The following GALNTL5 variants were observed in gnomAD, a reference collection of about 807,000 sequenced individuals.
GALNTL5 encodes the protein inactive polypeptide N-acetylgalactosaminyltransferase-like protein 5.
GALNTL5 carries 44 observed loss-of-function variants against 51.0 expected under a neutral mutation model. The ratio of observed to expected loss-of-function variants is 0.86; its 90% CI spans 0.68 to 1.11. The LOEUF (loss-of-function observed/expected upper bound fraction) is 1.11, where lower values mean the gene tolerates loss of function less well. Among genes scored for constraint, GALNTL5 ranks in the 50% least tolerant of loss-of-function variants. The pLI, the probability that GALNTL5 is intolerant of heterozygous loss-of-function variation, is 0.00. For synonymous variants in GALNTL5, 192 were observed against 182.8 expected, an observed-to-expected ratio of 1.05 and a Z score of -0.41; for missense variants, 528 against 531.8, an observed-to-expected ratio of 0.99 and a Z score of 0.07.
chr7:152,007,055 C>T (rs111264777), intron 6 of GALNTL5, among the ~76,000 whole-genome samples: 1 of 152,270 alleles, frequency 6.6e-6, no homozygotes, highest in African/African-American at 2.4e-5. Flanking sequence ...GTGTGAGCCA[C>T]CACACCCAGC....
chr7:152,014,792 AG>A lies in GALNTL5; in HGVS notation c.1176+1del. ...GTGCACGTTTGGCTGGATGAATATA[AG>A]GTGGGGAACACATCCTTGACTTGGA... is the stretch of plus-strand genomic sequence containing the variant. ...RLVHVWLDEY[K>X]EQFFLRKPGL... On this transcript the variant is annotated frameshift_variant and splice_region_variant, in exon 8 of 9. Coordinates refer to ENST00000392800, the MANE Select transcript of GALNTL5 (RefSeq NM_145292.4). LOFTEE classifies it high-confidence loss of function. 1 of 1,607,826 alleles carries A rather than the reference AG, an allele frequency of 6.2e-7. No homozygotes were observed. The highest frequency in any genetic ancestry group is 1.1e-5 in the South Asian group (1 of 89,840).
chr7:151,959,055 C>T (rs150563307), intron 1 of GALNTL5, among the ~76,000 whole-genome samples: 2,563 of 152,254 alleles, frequency 0.017, 133 homozygotes, highest in Admixed American at 0.11. Flanking sequence ...GTTCTCACTC[C>T]GGTCGTGGAC....
At chr7:152,003,758 G>C (rs1283425245) in intron 6 of GALNTL5, among the ~76,000 whole-genome samples, 1 of 152,162 alleles carries the variant, frequency 6.6e-6, no homozygotes, top group Non-Finnish European at 1.5e-5. Context: ...GTTACTTTTA[G>C]TAAGAAATAG....
Position 152,019,919 on chromosome 7 carries a change from A to C in GALNTL5, c.*118A>C. The C allele has an allele frequency of 2.4e-6, 2 of 848,630 alleles. No homozygotes were observed. The highest frequency in any genetic ancestry group is 3.6e-6 in the Non-Finnish European group (2 of 553,834). The allele number at this position is 848,630 out of a possible 1,614,324, so 52.6% of individuals were successfully genotyped here. A position where few individuals can be genotyped will look rare whatever the true frequency, so the allele number is the denominator to read the frequency against. Reference sequence around the variant, plus strand: ...AATTACGTGAAATGCAATTAAAAAAATATGACCAGACGTGAGTGCCTTTAT... The same window carrying C: ...AATTACGTGAAATGCAATTAAAAAACTATGACCAGACGTGAGTGCCTTTAT... On this transcript the variant is annotated 3_prime_UTR_variant, in exon 9 of 9. Coordinates refer to ENST00000392800, the MANE Select transcript of GALNTL5 (RefSeq NM_145292.4).
At chr7:151,980,913 A>T (rs111431436) in intron 3 of GALNTL5, among the ~76,000 whole-genome samples, 2,966 of 145,232 alleles carry the variant, frequency 0.02, 190 homozygotes, top group African/African-American at 0.078. Context: ...GCCCGGCTAA[A>T]TTTTTGTATT....
chr7:151,970,309 A>G (rs2081118911), intron 2 of GALNTL5, among the ~76,000 whole-genome samples: 1 of 152,294 alleles, frequency 6.6e-6, no homozygotes, highest in East Asian at 1.9e-4. Context: ...AAAATGGACC[A>G]TCACATATAG....
chr7:152,007,725 T>C (rs568296130), intron 6 of GALNTL5, 102 bp from the exon 7 acceptor site: 95 of 796,376 alleles, frequency 1.2e-4, no homozygotes, highest in Non-Finnish European at 1.8e-4. Context: ...GCCTGTTTTC[T>C]CATTTTAAAC....
intron 7 of GALNTL5, among the ~76,000 whole-genome samples, chr7:152,009,470 T>C (rs2081700161): frequency 1.3e-5 from 2 of 152,212 alleles, no homozygotes; most frequent in African/African-American, 4.8e-5. Flanking sequence ...GCTCAGTTGT[T>C]CTCAGTTTCC....
At position 151,983,591 on chromosome 7, in the gene GALNTL5, G is replaced by T. The variant is rs554777806; in HGVS notation, c.535+439G>T. Among the ~76,000 whole-genome samples the T allele has an allele frequency of 1.6e-3, 251 of 152,258 alleles. 5 individuals are homozygous for T. In the Middle Eastern group the frequency reaches 0.02, roughly 12 times the overall value. Reference sequence around the variant, plus strand: ...ACTGCACTAGGGGCTCTTGGTATATGGTGGACATGTGAGACCTGGGCCCTG... The same window carrying T: ...ACTGCACTAGGGGCTCTTGGTATATTGTGGACATGTGAGACCTGGGCCCTG... On this transcript the variant is annotated intron_variant, in intron 4 of 8. Transcript: ENST00000392800.
At chr7:151,998,828 A>G (rs1224196366) in intron 5 of GALNTL5, among the ~76,000 whole-genome samples, 2 of 151,964 alleles carry the variant, frequency 1.3e-5, no homozygotes, top group Non-Finnish European at 2.9e-5. Context: ...CGACAATTTC[A>G]TTTACAAATG....
In GALNTL5 at chr7:152,002,809, G is replaced by T. The variant is rs1375170179; in HGVS notation, c.754G>T (p.Val252Leu). Residue 252 changes from valine (V) to leucine (L), a missense_variant, in exon 6 of 9, where the codon GTG becomes TTG. Coordinates refer to ENST00000392800, the MANE Select transcript of GALNTL5 (RefSeq NM_145292.4). ...HAIAKDPKMV[V>L]CPLIDVIDDR... ...CATTGCCAAGGACCCCAAAATGGTG[G>T]TGTGCCCCCTGATAGATGTCATTGA... 3 of 1,614,034 alleles carry T rather than the reference G, an allele frequency of 1.9e-6. No homozygotes were observed. Among genetic ancestry groups the T allele is most frequent in the Non-Finnish European group, 2.5e-6 (3 of 1,180,020 alleles).
intron 3 of GALNTL5, 61 bp from the exon 4 acceptor site, chr7:151,982,925 G>T: frequency 6.2e-7 from 1 of 1,612,824 alleles, no homozygotes; most frequent in Admixed American, 1.7e-5. Flanking sequence ...GTTTGAACGA[G>T]ATGACACAAC....
chr7:152,007,639 C>G (rs766753839), intron 6 of GALNTL5, among the ~76,000 whole-genome samples, 188 bp from the exon 7 acceptor site: 1 of 151,776 alleles, frequency 6.6e-6, no homozygotes, highest in Non-Finnish European at 1.5e-5. Flanking sequence ...AGGATGGTCT[C>G]GATCTCCTGA....
chr7:151,995,509 GT>G (rs577920728), intron 5 of GALNTL5, among the ~76,000 whole-genome samples: 61 of 150,052 alleles, frequency 4.1e-4, no homozygotes, highest in Non-Finnish European at 6.7e-4. Context: ...GAGAGAAGGA[GT>G]TTTTTTTTCT....
intron 5 of GALNTL5, among the ~76,000 whole-genome samples, chr7:152,000,025 A>G (rs1029045168): frequency 1.3e-5 from 2 of 152,260 alleles, no homozygotes; most frequent in African/African-American, 4.8e-5. Context: ...GAGACTTGAT[A>G]TGAATTCAGC....
intron 8 of GALNTL5, among the ~76,000 whole-genome samples, chr7:152,017,104 C>T (rs1432939774): frequency 2.0e-5 from 3 of 151,042 alleles, no homozygotes; most frequent in South Asian, 2.1e-4. Flanking sequence ...TCTCACTTAA[C>T]GATGGGAATA....
Position 152,019,797 on chromosome 7 carries a change from T to C in GALNTL5, c.1328T>C (p.Leu443Pro). ...GAGTTGGAGGCATCTGTGAACAGCC[T>C]GTGAAAGGAAAACAAATCACTTTCA... The part of the protein sequence containing the change: ...FPELEASVNS[L>P] Residue 443 changes from leucine (L) to proline (P), a missense_variant, in exon 9 of 9, where the codon CTG (leucine) becomes CCG (proline). Transcript: ENST00000392800. 2 of 1,606,452 alleles carry C rather than the reference T, an allele frequency of 1.2e-6. No homozygotes were observed. Among genetic ancestry groups the C allele is most frequent in the South Asian group, 1.1e-5 (1 of 89,660 alleles).
intron 5 of GALNTL5, among the ~76,000 whole-genome samples, chr7:152,002,097 C>G (rs143028016): frequency 3.9e-5 from 6 of 151,958 alleles, no homozygotes; most frequent in African/African-American, 1.5e-4. Context: ...CTGGCCAACA[C>G]GGTGAAACCC....
At chr7:151,982,396 A>C (rs2081304268) in intron 3 of GALNTL5, among the ~76,000 whole-genome samples, 1 of 151,576 alleles carries the variant, frequency 6.6e-6, no homozygotes, top group Non-Finnish European at 1.5e-5. Flanking sequence ...CCTGGGCAAC[A>C]AGAGTGAAAC....
Sources: gnomAD v4.1 joint callset for allele counts (sites outside exome capture counted in the v4.1 genomes callset) on GRCh38, gnomAD v4.1.1 for gene constraint, MANE v1.5 for transcripts, NCBI Gene and HGNC (gene_info 2026-07-23, HGNC 2026-07-21) for gene names.